The following MCM3AP variants were observed in gnomAD, a reference collection of about 807,000 sequenced individuals.
The protein encoded by MCM3AP is minichromosome maintenance complex component 3 associated protein.
A neutral mutation model predicts 184.1 loss-of-function variants in MCM3AP; 126 were observed. That is an observed-to-expected ratio of 0.68 (90% CI 0.59 to 0.79). The LOEUF (loss-of-function observed/expected upper bound fraction) is 0.79, where lower values mean the gene tolerates loss of function less well. MCM3AP is among the 30% of genes least tolerant of loss of function. The pLI is 0.00. For missense variants in MCM3AP, 2,496 were observed against 2,479.2 expected (o/e 1.01, Z -0.14); for synonymous variants, 1,002 against 979.3 (o/e 1.02, Z -0.43).
At chr21:46,244,132 T>G (rs894234187) in intron 23 of MCM3AP, among the ~76,000 whole-genome samples, 12 of 152,268 alleles carry the variant, frequency 7.9e-5, no homozygotes, top group African/African-American at 2.9e-4. Context: ...GAGTTAGACC[T>G]ACTACAGACC....
intron 24 of MCM3AP, 22 bp downstream of exon 24, chr21:46,243,443 C>G: frequency 1.3e-6 from 2 of 1,582,510 alleles, no homozygotes; most frequent in African/African-American, 2.7e-5. Flanking sequence ...GAGCTGATCC[C>G]ATTGCATCAA....
intron 13 of MCM3AP, among the ~76,000 whole-genome samples, chr21:46,262,382 T>C (rs1465074491): frequency 1.3e-5 from 2 of 152,142 alleles, no homozygotes; most frequent in Admixed American, 1.3e-4. Flanking sequence ...GCACAGTGGC[T>C]CATGCCTGTC....
chr21:46,260,613 A>T (rs1368876948), intron 15 of MCM3AP, among the ~76,000 whole-genome samples, 180 bp downstream of exon 15: 1 of 152,238 alleles, frequency 6.6e-6, no homozygotes, highest in Non-Finnish European at 1.5e-5. Context: ...TTTTATAATA[A>T]AATTCTATTA....
At position 46,243,650 on chromosome 21, in the gene MCM3AP, G is replaced by C. The variant is rs1344719271; in HGVS notation, c.5111C>G (p.Pro1704Arg). 6.8e-6 allele frequency: 11 copies of C among 1,614,130 alleles called. No homozygotes were observed. The African/African-American group carries it at 1.5e-4, about 22-fold the overall frequency. ...SQIPSSRQTQ[P>R]VLQSQVENLL... is the part of the protein sequence containing the mutation. ...GTTCTCCACCTGGGACTGGAGGACAGGCTGTGTCTGGCGTGAGCTGGGGAT... is the reference window on the plus strand; with the variant it reads ...GTTCTCCACCTGGGACTGGAGGACACGCTGTGTCTGGCGTGAGCTGGGGAT... Residue 1704 changes from proline (P) to arginine (R), a missense_variant, in exon 24 of 28, where the codon CCT (proline) becomes CGT (arginine). Physicochemically the swap from Pro to Arg is moderately radical, Grantham distance 103 (BLOSUM62 -2). Around this residue, in one of 5 missense-constraint regions of MCM3AP, gnomAD observed 1,323 missense variants for 1,273.4 expected, o/e 1.04. Coordinates refer to ENST00000291688, the MANE Select transcript of MCM3AP (RefSeq NM_003906.5).
In MCM3AP at chr21:46,243,641, T is replaced by C. The variant is rs1379862607; in HGVS notation, c.5120A>G (p.Gln1707Arg). The C allele has an allele frequency of 5.6e-6, 9 of 1,614,084 alleles. No homozygotes were observed. In the Admixed American group the frequency reaches 1.5e-4, roughly 27 times the overall value. ...GTGGAGCAGGTTCTCCACCTGGGACTGGAGGACAGGCTGTGTCTGGCGTGA... is the reference window on the plus strand; with the variant it reads ...GTGGAGCAGGTTCTCCACCTGGGACCGGAGGACAGGCTGTGTCTGGCGTGA... ...PSSRQTQPVL[Q>R]SQVENLLHRT... Residue 1707 changes from glutamine (Q) to arginine (R), a missense_variant, in exon 24 of 28, where the codon CAG becomes CGG. Around this residue, in one of 5 missense-constraint regions of MCM3AP, gnomAD observed 1,323 missense variants for 1,273.4 expected, o/e 1.04. Coordinates refer to ENST00000291688, the MANE Select transcript of MCM3AP (RefSeq NM_003906.5).
intron 10 of MCM3AP, chr21:46,266,411 A>G: frequency 2.6e-6 from 1 of 385,248 alleles, no homozygotes; most frequent in South Asian, 7.1e-5. Context: ...TGGCTCACCC[A>G]AAACCGTCTA....
intron 7 of MCM3AP, 144 bp downstream of exon 7, chr21:46,273,244 G>T: frequency 1.3e-6 from 1 of 774,258 alleles, no homozygotes; most frequent in Non-Finnish European, 2.1e-6. Flanking sequence ...CAGAGTGCTG[G>T]GATTACAGGC....
At chr21:46,264,745 C>T (rs1201326210) in intron 12 of MCM3AP, among the ~76,000 whole-genome samples, 1 of 152,194 alleles carries the variant, frequency 6.6e-6, no homozygotes, top group African/African-American at 2.4e-5. Context: ...ACCACACACA[C>T]CAGAGGGGAC....
chr21:46,235,614 C>G (rs945789559), intron 27 of MCM3AP, among the ~76,000 whole-genome samples, 188 bp from the exon 28 acceptor site: 1 of 152,198 alleles, frequency 6.6e-6, no homozygotes, highest in Non-Finnish European at 1.5e-5. Context: ...CAGCTGGTAT[C>G]TGTATATAGA....
chr21:46,249,833 A>G (rs950233972), intron 20 of MCM3AP: 3 of 234,182 alleles, frequency 1.3e-5, no homozygotes, highest in Non-Finnish European at 2.6e-5. Flanking sequence ...AGGCTTGGGC[A>G]GTTTATTTTA....
Position 46,284,714 on chromosome 21 carries a change from A to AGG in MCM3AP, c.571_572dup (p.Phe192LeufsTer7). ...TACTTGTTACTTGAGGAAAAGAGAAAGGGGCCAGGCCTCCAGGTGCACTAC... is the reference window on the plus strand; with the variant it reads ...TACTTGTTACTTGAGGAAAAGAGAAAGGGGGGCCAGGCCTCCAGGTGCACTAC... On this transcript the variant is annotated frameshift_variant, in exon 1 of 28. Transcript: ENST00000291688. LOFTEE classifies it high-confidence loss of function. 3.7e-6 allele frequency: 6 copies of AGG among 1,614,146 alleles called. No individual in the cohort carries two copies. The highest frequency in any genetic ancestry group is 5.1e-6 in the Non-Finnish European group (6 of 1,180,032).
intron 26 of MCM3AP, among the ~76,000 whole-genome samples, chr21:46,239,154 G>T (rs1345629095): frequency 1.3e-5 from 2 of 152,242 alleles, no homozygotes; most frequent in Non-Finnish European, 2.9e-5. Context: ...CCATGCTCAA[G>T]GAAGGAGCGG....
Position 46,284,069 on chromosome 21 carries a change from TTC to T in MCM3AP, c.1216_1217del (p.Glu406ArgfsTer12). On this transcript the variant is annotated frameshift_variant and splice_region_variant, in exon 1 of 28. Coordinates refer to ENST00000291688, the MANE Select transcript of MCM3AP (RefSeq NM_003906.5). LOFTEE classifies it high-confidence loss of function. The part of the protein sequence containing the change: ...EEETESREKK[E>X]DSLRGTPARQ... ...ATGTGCTACATTTTCAGAGCTCACC[TTC>T]TTTCTTCTCTCTACTTTCAGTTTCT... 6.2e-7 allele frequency: 1 copy of T among 1,609,854 alleles called. No homozygotes were observed. Among genetic ancestry groups the T allele is most frequent in the Non-Finnish European group, 8.5e-7 (1 of 1,177,510 alleles).
intron 17 of MCM3AP, 65 bp from the exon 18 acceptor site, chr21:46,254,909 C>T: frequency 8.5e-7 from 1 of 1,179,364 alleles, no homozygotes; most frequent in Non-Finnish European, 1.3e-6. Context: ...GGCTAGTGTC[C>T]CCTGGGGAAT....
chr21:46,265,771 G>A (rs767211678), intron 11 of MCM3AP, among the ~76,000 whole-genome samples, 154 bp downstream of exon 11: 2 of 152,220 alleles, frequency 1.3e-5, no homozygotes, highest in Non-Finnish European at 2.9e-5. Context: ...ATCTGAGCAT[G>A]AGGAAGAGCC....
intron 5 of MCM3AP, among the ~76,000 whole-genome samples, chr21:46,276,727 C>G (rs2081260156): frequency 6.7e-6 from 1 of 149,300 alleles, no homozygotes; most frequent in Non-Finnish European, 1.5e-5. Context: ...AGGCGTGAGC[C>G]ACCACGCCCA....
intron 12 of MCM3AP, among the ~76,000 whole-genome samples, chr21:46,264,758 G>A (rs912352743): frequency 9.3e-5 from 14 of 150,770 alleles, no homozygotes; most frequent in African/African-American, 3.2e-4. Flanking sequence ...GAGGGGACAC[G>A]ACCACCCCGA....
At chr21:46,265,212 C>G (rs2081093377) in intron 12 of MCM3AP, 109 bp downstream of exon 12, 1 of 989,244 alleles carries the variant, frequency 1.0e-6, no homozygotes, top group Non-Finnish European at 1.5e-6. Context: ...CCTCTCTGGA[C>G]TCTCCTGAGA....
At chr21:46,257,012 CAG>C (rs1569064132) in intron 16 of MCM3AP, 26 bp from the exon 17 acceptor site, 2 of 1,598,570 alleles carry the variant, frequency 1.3e-6, no homozygotes, top group African/African-American at 1.3e-5. Flanking sequence ...TGTATCATCA[CAG>C]AGTGTTTTCA....
Sources: allele counts gnomAD v4.1 joint callset (sites outside exome capture counted in the v4.1 genomes callset), GRCh38; gene constraint gnomAD v4.1.1; regional missense constraint gnomAD v4.1.1; transcripts MANE v1.5; gene names NCBI Gene and HGNC (gene_info 2026-07-23, HGNC 2026-07-21).